The following SDK2 variants were observed in gnomAD, a reference collection of about 807,000 sequenced individuals.
SDK2 encodes protein sidekick-2.
A neutral mutation model predicts 253.9 loss-of-function variants in SDK2; 105 were observed. The ratio of observed to expected loss-of-function variants is 0.41; its 90% CI spans 0.35 to 0.49. The LOEUF (loss-of-function observed/expected upper bound fraction) is 0.49, where lower values mean the gene tolerates loss of function less well. Ranked by LOEUF, SDK2 falls within the 20% of genes least tolerant of loss-of-function variation. The pLI is 0.06. For synonymous variants in SDK2, 1,249 were observed against 1,234.9 expected, an observed-to-expected ratio of 1.01 and a Z score of -0.24; for missense variants, 2,608 against 3,003.0, an observed-to-expected ratio of 0.87 and a Z score of 3.07.
At chr17:73,414,615 C>G (rs2063164850) in intron 18 of SDK2, 29 bp downstream of exon 18, 1 of 1,560,726 alleles carries the variant, frequency 6.4e-7, no homozygotes, top group African/African-American at 1.4e-5. Context: ...CTTAGGGCCT[C>G]CTCTTGGGTG....
At chr17:73,549,912 CATAACCAGGTGGAGGGGTGGTGGTG>C (rs2045027566) in intron 1 of SDK2, among the ~76,000 whole-genome samples, 1 of 152,138 alleles carries the variant, frequency 6.6e-6, no homozygotes, top group Non-Finnish European at 1.5e-5. Flanking sequence ...GGGACCTGGT[CATAACCAGGTGGAGGGGTGGTGGTG>C]ACCAGAATCT....
chr17:73,561,269 AC>A (rs1359174121), intron 1 of SDK2, among the ~76,000 whole-genome samples: 1 of 151,984 alleles, frequency 6.6e-6, no homozygotes, highest in Non-Finnish European at 1.5e-5. Flanking sequence ...CACCCACACC[AC>A]CCACCCCACC....
intron 1 of SDK2, among the ~76,000 whole-genome samples, chr17:73,532,297 G>A (rs1288989168): frequency 6.8e-6 from 1 of 146,908 alleles, no homozygotes; most frequent in Non-Finnish European, 1.5e-5. Context: ...TTCCCTGTCT[G>A]TCCATTCCCA....
chr17:73,391,434 G>A lies in SDK2; in HGVS notation c.3997+6C>T. On this transcript the variant is annotated splice_donor_region_variant and intron_variant, in intron 28 of 44. Coordinates refer to ENST00000392650, the MANE Select transcript of SDK2 (RefSeq NM_001144952.2). ...CAGCCGGGGCACGGGAAGGGCAAAG[G>A]CTTACCAAGAATGATGCCATTGGGG... The A allele has an allele frequency of 7.7e-7, 1 of 1,305,236 alleles. No homozygotes were observed. The highest frequency in any genetic ancestry group is 9.8e-7 in the Non-Finnish European group (1 of 1,017,040). 80.9% of individuals were successfully genotyped at this position (1,305,236 alleles called of 1,614,324 possible).
At position 73,592,878 on chromosome 17, in the gene SDK2, G is replaced by A. The variant is rs138814338; in HGVS notation, c.64+51147C>T. Among the ~76,000 whole-genome samples, 108 of 152,218 alleles carry A rather than the reference G, an allele frequency of 7.1e-4. 1 individual carries two copies. The highest frequency in any genetic ancestry group is 2.5e-3 in the African/African-American group (104 of 41,548). On this transcript the variant is annotated intron_variant, in intron 1 of 44. Coordinates refer to ENST00000392650, the MANE Select transcript of SDK2 (RefSeq NM_001144952.2). ...AGACACATGGCCTGGCCACATGCCC[G>A]TCTCCCAAGCATATTTCAGGGTTTA...
At chr17:73,583,048 C>T (rs137908472) in intron 1 of SDK2, among the ~76,000 whole-genome samples, 1 of 152,334 alleles carries the variant, frequency 6.6e-6, no homozygotes, top group Non-Finnish European at 1.5e-5. Context: ...CATACCAACT[C>T]CTATGCATCC....
intron 1 of SDK2, among the ~76,000 whole-genome samples, chr17:73,552,879 A>G (rs1348950550): frequency 6.6e-6 from 1 of 152,194 alleles, no homozygotes; most frequent in Non-Finnish European, 1.5e-5. Context: ...TCAACTCGAG[A>G]GCCCTTGCCC....
chr17:73,461,933 TTGTA>T (rs1023995395), intron 3 of SDK2, among the ~76,000 whole-genome samples: 21 of 151,888 alleles, frequency 1.4e-4, no homozygotes, highest in African/African-American at 3.6e-4. Context: ...GAATGGATGG[TTGTA>T]TGTATGTTTA....
At position 73,459,211 on chromosome 17, in the gene SDK2, C is replaced by G. The variant is rs74385139; in HGVS notation, c.332-3158G>C. 1.4e-3 allele frequency among the ~76,000 whole-genome samples: 214 copies of G among 152,324 alleles called. 3 individuals are homozygous for G. Among genetic ancestry groups the G allele is most frequent in the African/African-American group, 4.9e-3 (202 of 41,572 alleles). ...CAGCCTTGCCAATGGGCTGGCCTTA[C>G]TCCAGCTGCACAGACCCTGGGATAT... On this transcript the variant is annotated intron_variant, in intron 3 of 44. Transcript: ENST00000392650.
At chr17:73,400,563 G>A (rs573197156) in intron 21 of SDK2, among the ~76,000 whole-genome samples, 40 of 152,248 alleles carry the variant, frequency 2.6e-4, no homozygotes, top group Non-Finnish European at 4.3e-4. Flanking sequence ...CAGGGATTCC[G>A]CCTGCTCTGA....
chr17:73,414,368 G>C (rs931276586), intron 18 of SDK2, among the ~76,000 whole-genome samples: 1 of 152,064 alleles, frequency 6.6e-6, no homozygotes, highest in Non-Finnish European at 1.5e-5. Context: ...GTGTTTCTGA[G>C]CCTGAAATAA....
At chr17:73,599,028 C>T (rs188854420) in intron 1 of SDK2, among the ~76,000 whole-genome samples, 1 of 152,194 alleles carries the variant, frequency 6.6e-6, no homozygotes, top group Admixed American at 6.5e-5. Flanking sequence ...GGGTAAGGAG[C>T]GAGTGGAAAA....
At chr17:73,610,958 A>G (rs750090242) in intron 1 of SDK2, among the ~76,000 whole-genome samples, 6 of 152,206 alleles carry the variant, frequency 3.9e-5, no homozygotes, top group East Asian at 1.9e-4. Context: ...AATGAACACA[A>G]GGATCTGTCA....
intron 2 of SDK2, among the ~76,000 whole-genome samples, chr17:73,497,779 T>C (rs1434699792): frequency 6.6e-6 from 1 of 152,178 alleles, no homozygotes; most frequent in Non-Finnish European, 1.5e-5. Flanking sequence ...CATCTGATCA[T>C]GTCCATTCCC....
chr17:73,485,202 G>C (rs1221442571), intron 2 of SDK2, among the ~76,000 whole-genome samples: 1 of 152,172 alleles, frequency 6.6e-6, no homozygotes, highest in African/African-American at 2.4e-5. Context: ...TGTATGTGGA[G>C]AGGTGGGAGC....
chr17:73,401,432 T>C (rs1267272247), intron 20 of SDK2, among the ~76,000 whole-genome samples: 2 of 152,098 alleles, frequency 1.3e-5, no homozygotes, highest in African/African-American at 4.8e-5. Flanking sequence ...TAGTGAGTCA[T>C]CATGGCAGCC....
intron 1 of SDK2, among the ~76,000 whole-genome samples, chr17:73,513,160 T>C (rs2063994714): frequency 6.7e-6 from 1 of 148,830 alleles, no homozygotes. Flanking sequence ...AAAACCCTCA[T>C]AAACAAAAAG....
intron 2 of SDK2, among the ~76,000 whole-genome samples, chr17:73,499,882 T>A (rs1250430380): frequency 6.6e-6 from 1 of 150,498 alleles, no homozygotes; most frequent in Admixed American, 6.6e-5. Context: ...TGTGTGTGTG[T>A]GTGTGTGTGT....
At chr17:73,540,989 T>C (rs2044859656) in intron 1 of SDK2, among the ~76,000 whole-genome samples, 1 of 152,140 alleles carries the variant, frequency 6.6e-6, no homozygotes, top group Non-Finnish European at 1.5e-5. Context: ...CACCCCAGCC[T>C]CCCCTACAGC....
Sources: gnomAD v4.1 joint callset for allele counts (sites outside exome capture counted in the v4.1 genomes callset) on GRCh38, gnomAD v4.1.1 for gene constraint, MANE v1.5 for transcripts, NCBI Gene and HGNC (gene_info 2026-07-23, HGNC 2026-07-21) for gene names.